KMT2C: variants seen among roughly 807,000 people sequenced by gnomAD.
The protein encoded by KMT2C is lysine methyltransferase 2C.
Under a neutral mutation model 507.9 loss-of-function variants are expected in KMT2C, and 88 were observed. The observed-to-expected ratio is 0.17, with a 90% CI of 0.15 to 0.21. The LOEUF (loss-of-function observed/expected upper bound fraction) is 0.21, where lower values mean the gene tolerates loss of function less well. Ranked by LOEUF, KMT2C falls within the 10% of genes least tolerant of loss-of-function variation. The pLI is 1.00. For synonymous variants in KMT2C, 2,049 were observed against 2,080.8 expected (o/e 0.98, Z 0.42); for missense variants, 4,954 against 5,957.8 (o/e 0.83, Z 5.55).
At chr7:152,226,070 A>T (rs1281859439) in intron 18 of KMT2C, among the ~76,000 whole-genome samples, 1 of 152,146 alleles carries the variant, frequency 6.6e-6, no homozygotes, top group Non-Finnish European at 1.5e-5. Flanking sequence ...CAGAAAGTCA[A>T]CAAAATCTAG....
chr7:152,262,702 T>C (rs1351396305), intron 9 of KMT2C, among the ~76,000 whole-genome samples: 2 of 152,308 alleles, frequency 1.3e-5, no homozygotes, highest in East Asian at 1.9e-4. Context: ...AACGAGTATA[T>C]AGTATATGAA....
intron 16 of KMT2C, among the ~76,000 whole-genome samples, chr7:152,231,902 CAG>C (rs1286336885): frequency 1.3e-5 from 2 of 151,888 alleles, no homozygotes; most frequent in Non-Finnish European, 2.9e-5. Context: ...GTTTTTGAGA[CAG>C]AGTCTCACTA....
At chr7:152,195,152 A>G (rs2093925169) in intron 28 of KMT2C, among the ~76,000 whole-genome samples, 1 of 152,180 alleles carries the variant, frequency 6.6e-6, no homozygotes, top group African/African-American at 2.4e-5. Context: ...GTCACATGTA[A>G]AAGTGGTTTA....
chr7:152,391,542 C>T (rs79216006), intron 1 of KMT2C, among the ~76,000 whole-genome samples: 2 of 100,514 alleles, frequency 2.0e-5, no homozygotes, highest in Non-Finnish European at 3.8e-5. Context: ...GCATGCCCGG[C>T]CTTTTTTTTT....
At chr7:152,277,943 T>C (rs2096115862) in intron 6 of KMT2C, among the ~76,000 whole-genome samples, 1 of 152,194 alleles carries the variant, frequency 6.6e-6, no homozygotes, top group African/African-American at 2.4e-5. Context: ...ATATACATAT[T>C]TTACATATTA....
chr7:152,137,754 C>T (rs545712380), intron 58 of KMT2C: 1 of 152,198 alleles, frequency 6.6e-6, no homozygotes. Flanking sequence ...AAACTATTTA[C>T]TCAAGAATAC....
chr7:152,223,086 G>A (rs1455764699), intron 20 of KMT2C, among the ~76,000 whole-genome samples: 2 of 152,216 alleles, frequency 1.3e-5, no homozygotes, highest in Non-Finnish European at 2.9e-5. Flanking sequence ...GGAAAGCGAT[G>A]TTGAATGGTA....
chr7:152,250,309 T>C (rs1343822629), intron 12 of KMT2C, among the ~76,000 whole-genome samples: 1 of 152,150 alleles, frequency 6.6e-6, no homozygotes, highest in East Asian at 1.9e-4. Context: ...TAATTGAACA[T>C]ACAACTTCAC....
chr7:152,231,194 CAT>C (rs2095098111), intron 16 of KMT2C, among the ~76,000 whole-genome samples: 1 of 152,100 alleles, frequency 6.6e-6, no homozygotes, highest in Non-Finnish European at 1.5e-5. Context: ...CAGTATTAGC[CAT>C]ATGATTATCA....
At chr7:152,265,726 C>T (rs1310984360) in intron 7 of KMT2C, among the ~76,000 whole-genome samples, 1 of 151,568 alleles carries the variant, frequency 6.6e-6, no homozygotes, top group Admixed American at 6.6e-5. Context: ...CATATAAGGG[C>T]TTTTTTTTAA....
intron 23 of KMT2C, among the ~76,000 whole-genome samples, chr7:152,210,912 C>G (rs1207369648): frequency 5.9e-5 from 9 of 152,132 alleles, no homozygotes; most frequent in African/African-American, 2.2e-4. Context: ...CAGAGAAAAA[C>G]TGAGTATGTT....
chr7:152,349,216 C>T (rs184131600), intron 2 of KMT2C, among the ~76,000 whole-genome samples: 48 of 152,200 alleles, frequency 3.2e-4, no homozygotes, highest in African/African-American at 9.2e-4. Context: ...GAGGCTGAGG[C>T]GGGTGGATCA....
intron 2 of KMT2C, among the ~76,000 whole-genome samples, chr7:152,342,316 C>T (rs1331108449): frequency 6.6e-6 from 1 of 151,348 alleles, no homozygotes; most frequent in African/African-American, 2.5e-5. Flanking sequence ...GATAGTTTTA[C>T]TATTTTAATA....
chr7:152,319,233 G>C (rs1313017385), intron 3 of KMT2C, among the ~76,000 whole-genome samples: 1 of 152,072 alleles, frequency 6.6e-6, no homozygotes, highest in Non-Finnish European at 1.5e-5. Context: ...TATAAAATAA[G>C]AATAGTTATA....
intron 1 of KMT2C, among the ~76,000 whole-genome samples, chr7:152,387,190 CTTT>C (rs993343083): frequency 1.1e-4 from 17 of 151,606 alleles, no homozygotes; most frequent in Admixed American, 1.3e-4. Context: ...CAAGTTTTAA[CTTT>C]TTAATTAAAT....
intron 2 of KMT2C, among the ~76,000 whole-genome samples, chr7:152,335,883 G>GA (rs1039271885): frequency 2.6e-5 from 4 of 151,046 alleles, no homozygotes; most frequent in African/African-American, 4.9e-5. Flanking sequence ...ATTTCAAAGA[G>GA]AAAAAAACAG....
At chr7:152,281,500 G>A (rs1386572553) in intron 6 of KMT2C, among the ~76,000 whole-genome samples, 6 of 152,182 alleles carry the variant, frequency 3.9e-5, no homozygotes, top group Admixed American at 1.3e-4. Context: ...GGAAGGCAGA[G>A]GTAGGTGGAT....
chr7:152,274,897 A>T (rs1308816787), intron 6 of KMT2C, among the ~76,000 whole-genome samples: 2 of 152,204 alleles, frequency 1.3e-5, no homozygotes, highest in Non-Finnish European at 2.9e-5. Flanking sequence ...AGGCCCTAAT[A>T]GAAAGGTGTT....
chr7:152,210,429 T>C (rs752709473), intron 23 of KMT2C, among the ~76,000 whole-genome samples: 12 of 152,220 alleles, frequency 7.9e-5, no homozygotes, highest in Non-Finnish European at 1.6e-4. Flanking sequence ...CCATAAAGAT[T>C]ATCCGACTAT....
Sources: allele counts gnomAD v4.1 joint callset (sites outside exome capture counted in the v4.1 genomes callset), GRCh38; gene constraint gnomAD v4.1.1; transcripts MANE v1.5; gene names NCBI Gene and HGNC (gene_info 2026-07-23, HGNC 2026-07-21).